NETO1: variants seen among roughly 807,000 people sequenced by gnomAD.
The protein encoded by NETO1 is neuropilin and tolloid-like protein 1.
In NETO1, 26 loss-of-function variants were observed where a neutral mutation model predicts 61.3. The ratio of observed to expected loss-of-function variants is 0.42; its 90% confidence interval spans 0.31 to 0.59. The LOEUF is 0.59. NETO1 is among the 20% of genes least tolerant of loss of function. The pLI is 0.12. For synonymous variants in NETO1, 225 were observed against 225.8 expected (o/e 1.00, Z 0.03); for missense variants, 531 against 662.8 (o/e 0.80, Z 2.18).
At chr18:72,815,302 G>A (rs898257445) in intron 4 of NETO1, among the ~76,000 whole-genome samples, 16 of 152,062 alleles carry the variant, frequency 1.1e-4, no homozygotes, top group African/African-American at 3.4e-4. Flanking sequence ...AAAAATAAAA[G>A]TAATAAACAA....
chr18:72,843,914 G>C (rs1005510877), intron 4 of NETO1, among the ~76,000 whole-genome samples: 1 of 152,134 alleles, frequency 6.6e-6, no homozygotes, highest in Non-Finnish European at 1.5e-5. Context: ...AAGCGTATTA[G>C]CTCAAACTCA....
Position 72,867,333 on chromosome 18 carries a change from AT to A in NETO1, c.-43del. ...AGAGGCTCCGGGCTCCACTAATTCC[AT>A]TTAGAGACGGGAAGACTTCCAGTGG... On this transcript the variant is annotated 5_prime_UTR_variant, in exon 1 of 11. It adds an upstream start codon to the 5' untranslated region. Transcript: ENST00000327305. 6.5e-7 allele frequency: 1 copy of A among 1,538,384 alleles called. No individual in the cohort carries two copies. The highest frequency in any genetic ancestry group is 1.4e-5 in the African/African-American group (1 of 70,900).
chr18:72,783,775 A>T lies in NETO1; in HGVS notation c.771T>A (p.Asp257Glu), dbSNP rs773255125. The T allele has an allele frequency of 6.2e-7, 1 of 1,614,088 alleles. No individual in the cohort carries two copies. Among genetic ancestry groups the T allele is most frequent in the Non-Finnish European group, 8.5e-7 (1 of 1,180,042 alleles). ...CCCCAAGACCCGTGCGTAGCATGAC[A>T]TCATTAGCCACAGTGCTACAGAACT... The part of the protein sequence containing the change: ...KAKFCSTVAN[D>E]VMLRTGLGVI... The change falls in exon 7 of 11, where the codon GAT becomes GAA. Residue 257 changes from aspartate to glutamate, a missense_variant. Asp to Glu is a conservative substitution (Grantham distance 45). Transcript: ENST00000327305.
In NETO1 at chr18:72,750,409, G is replaced by A. The variant is rs200068478; in HGVS notation, c.1194C>T (p.Leu398=). ...AGTCAGCTGTAGCTCCTGTCCCTCT[G>A]AGAGTGCATAACTCATAATGAGGAG... ...FEPPHYELCT[L]RGTGATADFA... is the part of the protein sequence containing the mutation. Residue 398 remains leucine, a synonymous_variant, in exon 9 of 11, where the codon CTC becomes CTT. Coordinates refer to ENST00000327305, the MANE Select transcript of NETO1 (RefSeq NM_138966.5). 2.2e-4 allele frequency: 362 copies of A among 1,613,998 alleles called. No homozygotes were observed. Among genetic ancestry groups the A allele is most frequent in the South Asian group, 3.3e-5 (3 of 91,086 alleles).
At chr18:72,837,368 G>T (rs2073783900) in intron 4 of NETO1, among the ~76,000 whole-genome samples, 1 of 152,078 alleles carries the variant, frequency 6.6e-6, no homozygotes, top group South Asian at 2.1e-4. Flanking sequence ...CTGGATATAA[G>T]AAAAAGTAAT....
chr18:72,748,234 G>C (rs1040729315), intron 10 of NETO1, 70 bp from the exon 11 acceptor site: 5 of 980,474 alleles, frequency 5.1e-6, no homozygotes, highest in South Asian at 9.4e-5. Context: ...AATTTATTAA[G>C]GTAATATAGA....
Position 72,826,505 on chromosome 18 carries a change from T to G in NETO1, c.470-32101A>C, listed in dbSNP as rs117871020. ...TATTTGTTAGTTATTTTGACCCTCA[T>G]ATTTTGTGTTTTTCTTATACCACTT... On this transcript the variant is annotated intron_variant, in intron 4 of 10. Transcript: ENST00000327305. Among the ~76,000 whole-genome samples the G allele has an allele frequency of 1.5e-4, 23 of 150,366 alleles. No homozygotes were observed. The East Asian group carries it at 4.5e-3, about 29-fold the overall frequency.
rs572251432 is a variant in NETO1, at chr18:72,830,064, CTG to C, written c.469+28760_469+28761del. ...ATTTGGGGTGGATCATAGTGTGTGTCTGTGAGATTGCCTCAATTCAGGCCCAC... is the reference window on the plus strand; with the variant it reads ...ATTTGGGGTGGATCATAGTGTGTGTCTGAGATTGCCTCAATTCAGGCCCAC... On this transcript the variant is annotated intron_variant, in intron 4 of 10. Transcript: ENST00000327305. The surrounding 1 kb of genome is among the most constrained non-coding windows in gnomAD (Gnocchi z 4.9). 2.2e-4 allele frequency among the ~76,000 whole-genome samples: 33 copies of C among 152,280 alleles called. No homozygotes were observed. In the South Asian group the frequency reaches 3.1e-3, roughly 14 times the overall value.
intron 4 of NETO1, among the ~76,000 whole-genome samples, chr18:72,817,677 C>T (rs887584702): frequency 1.3e-5 from 2 of 152,208 alleles, no homozygotes; most frequent in African/African-American, 4.8e-5. Flanking sequence ...GGCCTAGTGA[C>T]TCATTTCTAA....
chr18:72,842,110 T>C (rs1290264249), intron 4 of NETO1, among the ~76,000 whole-genome samples: 2 of 152,208 alleles, frequency 1.3e-5, no homozygotes, highest in African/African-American at 4.8e-5. Flanking sequence ...TTTAATATTA[T>C]TTCAAAATTA....
intron 7 of NETO1, among the ~76,000 whole-genome samples, 196 bp from the exon 8 acceptor site, chr18:72,756,343 T>G (rs2070783310): frequency 6.6e-6 from 1 of 152,174 alleles, no homozygotes; most frequent in African/African-American, 2.4e-5. Flanking sequence ...CTGGCATTCC[T>G]CTAGAGAGGC....
intron 4 of NETO1, among the ~76,000 whole-genome samples, chr18:72,854,391 C>T (rs906115901): frequency 2.0e-5 from 3 of 152,164 alleles, no homozygotes; most frequent in Non-Finnish European, 2.9e-5. Context: ...TACAGGAAAA[C>T]TATCATTGAA....
chr18:72,801,454 T>C (rs1199846525), intron 4 of NETO1, among the ~76,000 whole-genome samples: 4 of 152,182 alleles, frequency 2.6e-5, no homozygotes, highest in Non-Finnish European at 4.4e-5. Context: ...AGATATTACA[T>C]GACAATGGCA....
intron 7 of NETO1, among the ~76,000 whole-genome samples, chr18:72,757,236 TATA>T (rs2070813000): frequency 6.6e-6 from 1 of 152,330 alleles, no homozygotes; most frequent in South Asian, 2.1e-4. Flanking sequence ...GCAGTCATGT[TATA>T]ATGAGTTTAT....
intron 4 of NETO1, among the ~76,000 whole-genome samples, chr18:72,837,991 A>T (rs2073808770): frequency 1.3e-5 from 2 of 150,952 alleles, no homozygotes; most frequent in Admixed American, 6.6e-5. Context: ...AGCCACACAA[A>T]ACATTCTCCC....
intron 7 of NETO1, among the ~76,000 whole-genome samples, chr18:72,781,786 C>T (rs2071749676): frequency 6.6e-6 from 1 of 152,142 alleles, no homozygotes; most frequent in Admixed American, 6.6e-5. Context: ...ATTGTCTTTT[C>T]TAAGAATACA....
chr18:72,780,718 A>T (rs187897195), intron 7 of NETO1, among the ~76,000 whole-genome samples: 1 of 152,344 alleles, frequency 6.6e-6, no homozygotes, highest in Non-Finnish European at 1.5e-5. Context: ...AAGTTTCCCT[A>T]TAACTTTCAA....
rs118113391 is a variant in NETO1 at position 72,750,069 on chromosome 18, C to T, written c.1534G>A (p.Val512Ile). 1,206 of 1,574,062 alleles carry T rather than the reference C, an allele frequency of 7.7e-4. 14 individuals carry two copies. In the East Asian group the frequency reaches 0.023, roughly 30 times the overall value. Reference sequence around the variant, plus strand: ...AAATCTATTGATACTGACCGCTGGACGGCTTTATCGTGTCTGGACAGCCTG... The same window carrying T: ...AAATCTATTGATACTGACCGCTGGATGGCTTTATCGTGTCTGGACAGCCTG... ...SHRLSRHDKA[V>I]QRFCLIGSLS... is the part of the protein sequence containing the mutation. The change falls in exon 9 of 11, where the codon GTC becomes ATC. Residue 512 changes from valine to isoleucine, a missense_variant. Val to Ile is a conservative substitution (Grantham distance 29). Transcript: ENST00000327305.
intron 6 of NETO1, among the ~76,000 whole-genome samples, chr18:72,792,573 C>A (rs1037260402): frequency 3.3e-5 from 5 of 151,610 alleles, no homozygotes; most frequent in East Asian, 3.9e-4. Flanking sequence ...CTGGAATTAC[C>A]GCCACAGCTT....
Sources: gnomAD v4.1 joint callset for allele counts (sites outside exome capture counted in the v4.1 genomes callset) on GRCh38, gnomAD v4.1.1 for gene constraint, Gnocchi (gnomAD v3.1) non-coding constraint, MANE v1.5 for transcripts, NCBI Gene and HGNC (gene_info 2026-07-23, HGNC 2026-07-21) for gene names.